RPGRIP1L: variants seen among roughly 807,000 people sequenced by gnomAD.
RPGRIP1L encodes RPGRIP1 like.
A neutral mutation model predicts 160.4 loss-of-function variants in RPGRIP1L; 131 were observed. The observed-to-expected ratio is 0.82, with a 90% CI of 0.71 to 0.94. The LOEUF is 0.94. RPGRIP1L is among the 40% of genes least tolerant of loss of function. The probability of loss-of-function intolerance (pLI) is 0.00; values close to 1 mark genes in which losing one functional copy is unlikely to be tolerated. For synonymous variants in RPGRIP1L, 510 were observed against 515.8 expected (o/e 0.99, Z 0.15); for missense variants, 1,522 against 1,535.8 (o/e 0.99, Z 0.15).
chr16:53,641,128 C>A lies in RPGRIP1L; in HGVS notation c.2875-12G>T. The A allele has an allele frequency of 1.2e-6, 2 of 1,604,090 alleles. No homozygotes were observed. The highest frequency in any genetic ancestry group is 1.7e-6 in the Non-Finnish European group (2 of 1,171,022). ...TTAGGTCTTGGTGCCTAAGACAAAC[C>A]AACCAATGTGTCAGACTGAGTATGA... is the stretch of plus-strand genomic sequence containing the variant. On this transcript the variant is annotated splice_polypyrimidine_tract_variant and intron_variant, in intron 18 of 26. Coordinates refer to ENST00000647211, the MANE Select transcript of RPGRIP1L (RefSeq NM_015272.5).
At chr16:53,654,289 T>C (rs999743591) in intron 14 of RPGRIP1L, among the ~76,000 whole-genome samples, 4 of 152,184 alleles carry the variant, frequency 2.6e-5, no homozygotes, top group African/African-American at 7.2e-5. Context: ...TTGTTCCTTA[T>C]AGCTTTCTCT....
At chr16:53,615,468 A>ATTTTTTTTTTTT (rs1441369433) in intron 24 of RPGRIP1L, among the ~76,000 whole-genome samples, 4 of 69,874 alleles carry the variant, frequency 5.7e-5, no homozygotes, top group African/African-American at 1.3e-4. Flanking sequence ...ATATATATAT[A>ATTTTTTTTTTTT]TATATTTTTT....
At chr16:53,643,456 G>A (rs968650800) in intron 17 of RPGRIP1L, among the ~76,000 whole-genome samples, 7 of 152,108 alleles carry the variant, frequency 4.6e-5, no homozygotes, top group Non-Finnish European at 8.8e-5. Flanking sequence ...GGGTGAATGA[G>A]AGGTCTAGTC....
At chr16:53,671,089 T>C (rs1298517882) in intron 9 of RPGRIP1L, among the ~76,000 whole-genome samples, 1 of 151,978 alleles carries the variant, frequency 6.6e-6, no homozygotes, top group Non-Finnish European at 1.5e-5. Flanking sequence ...TGAGACACTG[T>C]CTCAAAAAAA....
Position 53,617,073 on chromosome 16 carries a change from CAA to C in RPGRIP1L, c.3616+1950_3616+1951del, listed in dbSNP as rs397945611. Among the ~76,000 whole-genome samples the C allele has an allele frequency of 4.6e-4, 10 of 21,842 alleles. No homozygotes were observed. The East Asian group carries it at 5.4e-3, about 12-fold the overall frequency. 14.3% of individuals were successfully genotyped at this position (21,842 alleles called of 152,430 possible). On this transcript the variant is annotated intron_variant, in intron 24 of 26. Transcript: ENST00000647211. ...GGCAATAGCACCAGACCTTGCATCA[CAA>C]AAAAAAAAAAAAAAAAAAAAAAAAG...
At chr16:53,610,680 T>C (rs1201014933) in intron 25 of RPGRIP1L, among the ~76,000 whole-genome samples, 1 of 152,204 alleles carries the variant, frequency 6.6e-6, no homozygotes, top group Admixed American at 6.5e-5. Flanking sequence ...CCTGTTACAG[T>C]CTTTACAACT....
At chr16:53,605,451 G>A (rs368675560) in intron 26 of RPGRIP1L, 30 bp downstream of exon 26, 4 of 1,613,424 alleles carry the variant, frequency 2.5e-6, no homozygotes, top group African/African-American at 1.3e-5. Flanking sequence ...ATTGTTGGTT[G>A]CACAAACTGA....
Position 53,641,344 on chromosome 16 carries a change from C to T in RPGRIP1L, c.2815G>A (p.Glu939Lys), listed in dbSNP as rs371763050. Residue 939 changes from glutamate to lysine, a missense_variant, in exon 18 of 27, where the codon GAA (glutamate) becomes AAA (lysine). Coordinates refer to ENST00000647211, the MANE Select transcript of RPGRIP1L (RefSeq NM_015272.5). ...TEDLGNFIRS[E>K]EPEVVQRLPP... ...AGTCTTTGAACAACTTCTGGCTCTT[C>T]GCTGCGAATGAAATTTCCTAAGTCT... 2.5e-5 allele frequency: 41 copies of T among 1,613,946 alleles called. No homozygotes were observed. The highest frequency in any genetic ancestry group is 2.9e-5 in the Non-Finnish European group (34 of 1,179,994).
intron 14 of RPGRIP1L, chr16:53,653,393 A>G: frequency 2.0e-6 from 2 of 995,814 alleles, no homozygotes; most frequent in Non-Finnish European, 1.2e-6. Context: ...ATTAAGATTT[A>G]TACTTTTCTT....
At chr16:53,613,400 C>A (rs1029436139) in intron 24 of RPGRIP1L, among the ~76,000 whole-genome samples, 22 of 152,060 alleles carry the variant, frequency 1.4e-4, no homozygotes, top group Admixed American at 9.8e-4. Flanking sequence ...GCCTCGAACT[C>A]CTGGGCTCAA....
intron 10 of RPGRIP1L, among the ~76,000 whole-genome samples, chr16:53,663,434 GAAATAA>G (rs1234594830): frequency 6.6e-6 from 1 of 151,926 alleles, no homozygotes; most frequent in Non-Finnish European, 1.5e-5. Context: ...AGAAAGCACA[GAAATAA>G]AAATGGTTTA....
chr16:53,671,692 C>T, intron 8 of RPGRIP1L, 109 bp from the exon 9 acceptor site: 1 of 605,488 alleles, frequency 1.7e-6, no homozygotes, highest in Non-Finnish European at 2.9e-6. Flanking sequence ...ATGTTTTAAT[C>T]TCGATTGCTA....
At chr16:53,656,386 G>C in intron 14 of RPGRIP1L, 86 bp downstream of exon 14, 2 of 915,542 alleles carry the variant, frequency 2.2e-6, no homozygotes, top group Non-Finnish European at 1.8e-6. Flanking sequence ...AAAATACACT[G>C]TAAGTGCAGA....
rs184745341 is a variant in RPGRIP1L at position 53,675,896 on chromosome 16, T to C, written c.777-774A>G. 6.6e-5 allele frequency among the ~76,000 whole-genome samples: 10 copies of C among 152,334 alleles called. No individual in the cohort carries two copies. In the South Asian group the frequency reaches 1.9e-3, roughly 28 times the overall value. On this transcript the variant is annotated intron_variant, in intron 6 of 26. Transcript: ENST00000647211. Reference sequence around the variant, plus strand: ...CTGTTTTCAAAAGGCATTTATTTTCTTGACAGAGAAAAGTTCCTTAATTTA... The same window carrying C: ...CTGTTTTCAAAAGGCATTTATTTTCCTGACAGAGAAAAGTTCCTTAATTTA...
At chr16:53,627,246 C>T (rs1328461181) in intron 22 of RPGRIP1L, among the ~76,000 whole-genome samples, 1 of 152,084 alleles carries the variant, frequency 6.6e-6, no homozygotes, top group Non-Finnish European at 1.5e-5. Context: ...TGAGAATGGC[C>T]TATGATAAAG....
intron 22 of RPGRIP1L, among the ~76,000 whole-genome samples, chr16:53,634,613 G>A (rs1179667786): frequency 6.6e-6 from 1 of 152,056 alleles, no homozygotes; most frequent in African/African-American, 2.4e-5. Context: ...TAGTTCCCTT[G>A]AGAGCTGATT....
chr16:53,653,221 G>T, intron 14 of RPGRIP1L: 1 of 736,902 alleles, frequency 1.4e-6, no homozygotes, highest in Non-Finnish European at 1.7e-6. Context: ...TATAGCCTAA[G>T]CCAGGAAAAA....
At chr16:53,682,193 T>C (rs1969660785) in intron 6 of RPGRIP1L, among the ~76,000 whole-genome samples, 2 of 152,182 alleles carry the variant, frequency 1.3e-5, no homozygotes, top group African/African-American at 4.8e-5. Flanking sequence ...AACATGTAAA[T>C]TTTCAATTTT....
chr16:53,631,625 A>G (rs562433016), intron 22 of RPGRIP1L, among the ~76,000 whole-genome samples: 3 of 152,306 alleles, frequency 2.0e-5, no homozygotes, highest in Admixed American at 2.0e-4. Context: ...GCTTTTAATC[A>G]ATGTATTATA....
Sources: gnomAD v4.1 joint callset for allele counts (sites outside exome capture counted in the v4.1 genomes callset) on GRCh38, gnomAD v4.1.1 for gene constraint, MANE v1.5 for transcripts, NCBI Gene and HGNC (gene_info 2026-07-23, HGNC 2026-07-21) for gene names.